LYPD5: variants seen among roughly 807,000 people sequenced by gnomAD.
The protein encoded by LYPD5 is ly6/PLAUR domain-containing protein 5.
A neutral mutation model predicts 19.1 loss-of-function variants in LYPD5; 21 were observed. The ratio of observed to expected loss-of-function variants is 1.10; its 90% CI spans 0.78 to 1.58. The LOEUF (loss-of-function observed/expected upper bound fraction) is 1.58, where lower values mean the gene tolerates loss of function less well. Among genes scored for constraint, LYPD5 ranks in the 40% most tolerant of loss-of-function variants. The pLI is 0.00. For synonymous variants in LYPD5, 128 were observed against 142.7 expected, an observed-to-expected ratio of 0.90 and a Z score of 0.74; for missense variants, 287 against 329.8, an observed-to-expected ratio of 0.87 and a Z score of 1.00.
At chr19:43,798,686 T>TAGC (rs1402524460) in intron 3 of LYPD5, 85 bp from the exon 4 acceptor site, 39 of 1,555,530 alleles carry the variant, frequency 2.5e-5, no homozygotes, top group Non-Finnish European at 3.2e-5. Context: ...AGCCCGCGCC[T>TAGC]AGCACGTCTC....
At chr19:43,801,745 G>T (rs1241243804) in intron 1 of LYPD5, among the ~76,000 whole-genome samples, 1 of 152,166 alleles carries the variant, frequency 6.6e-6, no homozygotes, top group African/African-American at 2.4e-5. Flanking sequence ...GACACATACA[G>T]AAATCAAACT....
At chr19:43,806,692 C>T (rs1055847839), upstream of LYPD5, among the ~76,000 whole-genome samples, 1 of 143,698 alleles carries the variant, frequency 7.0e-6, no homozygotes, top group African/African-American at 2.9e-5. Flanking sequence ...ACAAAACAAA[C>T]CCAACAAGCT....
upstream of LYPD5, among the ~76,000 whole-genome samples, chr19:43,804,393 T>C (rs1476205724): frequency 2.2e-5 from 2 of 91,836 alleles, no homozygotes; most frequent in Non-Finnish European, 5.0e-5. Flanking sequence ...ACACATCCCA[T>C]TGACAGAATA....
chr19:43,796,250 A>G lies in LYPD5; in HGVS notation c.*1341T>C, dbSNP rs1050285614. 3 of 152,234 alleles carry G rather than the reference A, an allele frequency of 2.0e-5. No individual in the cohort carries two copies. Among genetic ancestry groups the G allele is most frequent in the Admixed American group, 1.3e-4 (2 of 15,282 alleles). 9.4% of individuals were successfully genotyped at this position (152,234 alleles called of 1,614,324 possible). A position where few individuals can be genotyped will look rare whatever the true frequency, so the allele number is the denominator to read the frequency against. On this transcript the variant is annotated 3_prime_UTR_variant, in exon 5 of 5. Transcript: ENST00000377950. Reference sequence around the variant, plus strand: ...AACATTCAGACAATAGCAGGATGCAACTTACTTTTTTGCTTCTCTCACTGA... The same window carrying G: ...AACATTCAGACAATAGCAGGATGCAGCTTACTTTTTTGCTTCTCTCACTGA...
At chr19:43,802,245 T>G (rs1242657093) in intron 1 of LYPD5, 72 bp downstream of exon 1, 4 of 1,030,248 alleles carry the variant, frequency 3.9e-6, no homozygotes, top group Non-Finnish European at 2.7e-6. Flanking sequence ...AGGCCCCCAG[T>G]CTCTCCTCCC....
chr19:43,798,773 A>C (rs751825099), intron 3 of LYPD5, 39 bp downstream of exon 3: 1 of 1,581,736 alleles, frequency 6.3e-7, no homozygotes, highest in Non-Finnish European at 8.6e-7. Context: ...CAGGCCTCTC[A>C]TCGTCCCTCC....
chr19:43,801,622 A>G (rs1378464616), intron 1 of LYPD5, among the ~76,000 whole-genome samples: 1 of 152,244 alleles, frequency 6.6e-6, no homozygotes, highest in Admixed American at 6.5e-5. Flanking sequence ...CTCTTTTACA[A>G]AGAAAGCAAA....
chr19:43,812,788 A>G (rs1001427866), intron 1 of LYPD5, among the ~76,000 whole-genome samples: 2 of 152,206 alleles, frequency 1.3e-5, no homozygotes, highest in African/African-American at 4.8e-5. Flanking sequence ...TCAAATTTAT[A>G]CTCTTTTAAC....
intron 1 of LYPD5, among the ~76,000 whole-genome samples, chr19:43,817,612 T>C (rs1005763700): frequency 1.3e-5 from 2 of 152,212 alleles, no homozygotes; most frequent in African/African-American, 4.8e-5. Context: ...CAAATAATCC[T>C]GCATCCTCTA....
chr19:43,805,847 A>G, upstream of LYPD5, among the ~76,000 whole-genome samples: 1 of 152,084 alleles, frequency 6.6e-6, no homozygotes, highest in East Asian at 1.9e-4. Flanking sequence ...TGCAGCATCA[A>G]TATCTCTTTC....
intron 2 of LYPD5, 114 bp downstream of exon 2, chr19:43,799,592 T>G: frequency 3.2e-5 from 36 of 1,131,312 alleles, no homozygotes; most frequent in East Asian, 5.8e-5. Flanking sequence ...TCCCTCCCCA[T>G]CTTTCTATCT....
At chr19:43,811,584 G>A (rs1970323822) in intron 1 of LYPD5, among the ~76,000 whole-genome samples, 1 of 152,146 alleles carries the variant, frequency 6.6e-6, no homozygotes, top group Non-Finnish European at 1.5e-5. Context: ...TACCTGGGAG[G>A]CAAAGGCAGG....
chr19:43,803,841 T>C (rs1032229600), upstream of LYPD5, among the ~76,000 whole-genome samples: 4 of 151,152 alleles, frequency 2.6e-5, no homozygotes, highest in Admixed American at 6.6e-5. Flanking sequence ...CCGCACCCCC[T>C]CTCTTTTTCT....
In LYPD5 at chr19:43,798,571, T is replaced by C; in HGVS notation, c.401A>G (p.Glu134Gly). 6.2e-7 allele frequency: 1 copy of C among 1,611,274 alleles called. No homozygotes were observed. Among genetic ancestry groups the C allele is most frequent in the African/African-American group, 1.3e-5 (1 of 75,048 alleles). ...APDPPTLSGA[E>G]CYACIGVHQD... is the part of the protein sequence containing the mutation. The stretch of plus-strand genomic sequence containing the variant: ...GTGGACCCCGATACAGGCGTAGCAC[T>C]CGGCGCCGCTGAGCGTCGGCGGGTC... The change falls in exon 4 of 5, where the codon GAG becomes GGG. Residue 134 changes from glutamate to glycine, a missense_variant. Physicochemically the swap from Glu to Gly is moderately conservative, Grantham distance 98. Transcript: ENST00000377950.
At chr19:43,799,072 T>C (rs892430940) in intron 2 of LYPD5, 84 bp from the exon 3 acceptor site, 95 of 1,439,202 alleles carry the variant, frequency 6.6e-5, no homozygotes, top group Non-Finnish European at 8.8e-5. Context: ...CCCTCTATCC[T>C]TTCACTTTCA....
chr19:43,811,547 G>A (rs775775802), intron 1 of LYPD5, among the ~76,000 whole-genome samples: 5 of 152,140 alleles, frequency 3.3e-5, no homozygotes, highest in Non-Finnish European at 5.9e-5. Context: ...TTAGCCTGAT[G>A]TGGTGGTGGG....
chr19:43,810,487 C>T (rs1383360423), intron 1 of LYPD5, among the ~76,000 whole-genome samples: 1 of 148,650 alleles, frequency 6.7e-6, no homozygotes, highest in African/African-American at 2.5e-5. Context: ...CAGTTGCATG[C>T]CACTGTGCCT....
At chr19:43,804,059 A>G (rs1970251107), upstream of LYPD5, among the ~76,000 whole-genome samples, 1 of 152,058 alleles carries the variant, frequency 6.6e-6, no homozygotes, top group Non-Finnish European at 1.5e-5. Flanking sequence ...GCTGGTCTTG[A>G]ATTCCTGACC....
At position 43,802,347 on chromosome 19, in the gene LYPD5, A is replaced by G; in HGVS notation, c.34T>C (p.Cys12Arg). The G allele has an allele frequency of 6.4e-7, 1 of 1,551,700 alleles. No individual in the cohort carries two copies. Among genetic ancestry groups the G allele is most frequent in the Non-Finnish European group, 8.7e-7 (1 of 1,146,968 alleles). ...AGGCAGAGCGCAGCCCCAAAGAGGCAGAGCAGAATGACTCTGGGGACCCCC... is the reference window on the plus strand; with the variant it reads ...AGGCAGAGCGCAGCCCCAAAGAGGCGGAGCAGAATGACTCTGGGGACCCCC... ...AMGVPRVILLCLFGAALCLTG... is the reference protein window; with the variant it reads ...AMGVPRVILLRLFGAALCLTG... The change falls in exon 1 of 5, where the codon TGC becomes CGC. Residue 12 changes from cysteine (C) to arginine (R), a missense_variant. Cys to Arg is a radical substitution (Grantham distance 180). Coordinates refer to ENST00000377950, the MANE Select transcript of LYPD5 (RefSeq NM_001031749.3).
Sources: allele counts gnomAD v4.1 joint callset (sites outside exome capture counted in the v4.1 genomes callset), GRCh38; gene constraint gnomAD v4.1.1; transcripts MANE v1.5; gene names NCBI Gene and HGNC (gene_info 2026-07-23, HGNC 2026-07-21).